SH2D4A: variants seen among roughly 807,000 people sequenced by gnomAD.
The protein encoded by SH2D4A is SH2 domain containing 4A, also known as SH2 domain-containing protein 4A.
In SH2D4A, 70 loss-of-function variants were observed where a neutral mutation model predicts 64.7. That is an observed-to-expected ratio of 1.08 (90% CI 0.89 to 1.32). The LOEUF is 1.32. Ranked by LOEUF, SH2D4A falls within the 40% of genes most tolerant of loss-of-function variation. SH2D4A has a pLI of 0.00. For synonymous variants in SH2D4A, 268 were observed against 200.7 expected, an observed-to-expected ratio of 1.34 and a Z score of -2.83; for missense variants, 706 against 540.1, an observed-to-expected ratio of 1.31 and a Z score of -3.04.
intron 8 of SH2D4A, among the ~76,000 whole-genome samples, chr8:19,382,584 G>A (rs2053312454): frequency 6.6e-6 from 1 of 152,016 alleles, no homozygotes; most frequent in Admixed American, 6.6e-5. Context: ...GGTAGGCTAG[G>A]CAAATTATGA....
intron 6 of SH2D4A, among the ~76,000 whole-genome samples, chr8:19,362,750 CAA>C (rs2052912768): frequency 6.6e-6 from 1 of 151,712 alleles, no homozygotes; most frequent in Non-Finnish European, 1.5e-5. Context: ...AAAAACAAAA[CAA>C]AACAAAACAA....
intron 7 of SH2D4A, among the ~76,000 whole-genome samples, chr8:19,367,609 T>A (rs1563204400): frequency 6.6e-6 from 1 of 152,178 alleles, no homozygotes; most frequent in Non-Finnish European, 1.5e-5. Context: ...GAGTTTGAGT[T>A]CCTATATTGA....
intron 8 of SH2D4A, among the ~76,000 whole-genome samples, chr8:19,374,741 A>G (rs1384175181): frequency 1.3e-5 from 2 of 152,136 alleles, no homozygotes; most frequent in Non-Finnish European, 2.9e-5. Context: ...TCTCCTTCCC[A>G]GGATGAGGTT....
At chr8:19,323,140 T>G (rs927148997) in intron 2 of SH2D4A, among the ~76,000 whole-genome samples, 1 of 151,986 alleles carries the variant, frequency 6.6e-6, no homozygotes, top group Non-Finnish European at 1.5e-5. Context: ...CTGGGGTAGC[T>G]AGAGGTCTAC....
At chr8:19,343,085 G>A (rs1301008660) in intron 4 of SH2D4A, among the ~76,000 whole-genome samples, 1 of 152,114 alleles carries the variant, frequency 6.6e-6, no homozygotes, top group Non-Finnish European at 1.5e-5. Context: ...TGCTAGCTGT[G>A]CAAATCTCAT....
chr8:19,364,585 G>GC (rs892139400), intron 7 of SH2D4A, among the ~76,000 whole-genome samples: 1 of 132,348 alleles, frequency 7.6e-6, no homozygotes, highest in East Asian at 2.5e-4. Context: ...TCCCTCCCCC[G>GC]CCCCCCTCCC....
chr8:19,313,806 CA>C lies in SH2D4A; in HGVS notation c.-221del, dbSNP rs565027575. 58 of 1,507,736 alleles carry C rather than the reference CA, an allele frequency of 3.8e-5. 1 individual carries two copies. In the Middle Eastern group the frequency reaches 1.5e-3, roughly 40 times the overall value. 93.4% of individuals were successfully genotyped at this position (1,507,736 alleles called of 1,614,324 possible). On this transcript the variant is annotated 5_prime_UTR_variant, in exon 1 of 10. It introduces an in-frame stop codon into an upstream open reading frame of the 5' UTR. Coordinates refer to ENST00000265807, the MANE Select transcript of SH2D4A (RefSeq NM_022071.4). ...TGGCGGGTGATCGAGCCACCCTGCC[CA>C]GGGGCGCCCAGCACTGGTAGGTGCT...
intron 8 of SH2D4A, among the ~76,000 whole-genome samples, chr8:19,389,428 CAT>C (rs2053448120): frequency 6.6e-6 from 1 of 152,192 alleles, no homozygotes; most frequent in African/African-American, 2.4e-5. Context: ...TTCAGTAGCA[CAT>C]GTGGCAATAT....
chr8:19,325,997 G>A (rs1324044463), intron 2 of SH2D4A, among the ~76,000 whole-genome samples: 1 of 152,156 alleles, frequency 6.6e-6, no homozygotes, highest in African/African-American at 2.4e-5. Flanking sequence ...CTTGCCCAGT[G>A]GGGTCCTGTG....
At chr8:19,327,299 G>T (rs1360276133) in intron 2 of SH2D4A, among the ~76,000 whole-genome samples, 2 of 152,160 alleles carry the variant, frequency 1.3e-5, no homozygotes, top group African/African-American at 4.8e-5. Context: ...GCTATAAAAA[G>T]CTCCCTCCTT....
At chr8:19,345,493 T>C (rs2052598893) in intron 4 of SH2D4A, among the ~76,000 whole-genome samples, 1 of 152,238 alleles carries the variant, frequency 6.6e-6, no homozygotes, top group Non-Finnish European at 1.5e-5. Flanking sequence ...AGGAGTGTGA[T>C]AGGCAAACAC....
chr8:19,343,777 G>T (rs1345989387), intron 4 of SH2D4A, among the ~76,000 whole-genome samples: 2 of 152,128 alleles, frequency 1.3e-5, no homozygotes, highest in East Asian at 3.9e-4. Flanking sequence ...ATAAGATGAG[G>T]TTTTCATCTT....
chr8:19,353,320 C>T (rs1297897702), intron 4 of SH2D4A, among the ~76,000 whole-genome samples: 1 of 151,292 alleles, frequency 6.6e-6, no homozygotes, highest in Non-Finnish European at 1.5e-5. Context: ...GGTATACCCT[C>T]TGATATTGCC....
chr8:19,377,902 C>G (rs1047101093), intron 8 of SH2D4A, among the ~76,000 whole-genome samples: 1 of 152,134 alleles, frequency 6.6e-6, no homozygotes, highest in Non-Finnish European at 1.5e-5. Flanking sequence ...GCCCACGAAA[C>G]TGATTATACC....
rs557752727 is a variant in SH2D4A, at chr8:19,331,109, T to C, written c.182-1846T>C. 5.6e-4 allele frequency among the ~76,000 whole-genome samples: 85 copies of C among 152,182 alleles called. 1 individual carries two copies. The highest frequency in any genetic ancestry group is 9.8e-4 in the Non-Finnish European group (67 of 68,036). ...CTGCCCAGCGTCTCTGTTTAGAACA[T>C]ACTGCAGGAGTGTCCACTGTACCAA... is the stretch of plus-strand genomic sequence containing the variant. On this transcript the variant is annotated intron_variant, in intron 2 of 9. Coordinates refer to ENST00000265807, the MANE Select transcript of SH2D4A (RefSeq NM_022071.4).
chr8:19,381,340 G>A (rs1043392287), intron 8 of SH2D4A, among the ~76,000 whole-genome samples: 2 of 152,174 alleles, frequency 1.3e-5, no homozygotes, highest in Admixed American at 6.5e-5. Context: ...ATGAGCCACT[G>A]TGTCCAGTCA....
Position 19,373,575 on chromosome 8 carries a change from C to T in SH2D4A, c.963C>T (p.Asp321=). ...VRTLSSSAQE[D]IIRWFKEEQL... is the part of the protein sequence containing the mutation. ...CACTGTCCAGCTCTGCCCAAGAGGA[C>T]ATCATCCGGTGGTTTAAAGAGGAGC... is the stretch of plus-strand genomic sequence containing the variant. The change falls in exon 8 of 10, where the codon GAC becomes GAT. Residue 321 remains aspartate, a synonymous_variant. Coordinates refer to ENST00000265807, the MANE Select transcript of SH2D4A (RefSeq NM_022071.4). The T allele has an allele frequency of 6.2e-7, 1 of 1,613,208 alleles. No homozygotes were observed. Among genetic ancestry groups the T allele is most frequent in the Non-Finnish European group, 8.5e-7 (1 of 1,179,610 alleles).
chr8:19,319,582 A>C lies in SH2D4A; in HGVS notation c.35A>C (p.Asp12Ala). The change falls in exon 2 of 10, where the codon GAT (aspartate) becomes GCT (alanine). Residue 12 changes from aspartate to alanine, a missense_variant. Coordinates refer to ENST00000265807, the MANE Select transcript of SH2D4A (RefSeq NM_022071.4). ...CAGATACTGTCGGAGATGTACATAG[A>C]TCCTGATCTACTGGCAGAGCTCAGC... ...LKQILSEMYI[D>A]PDLLAELSEE... 1.2e-5 allele frequency: 19 copies of C among 1,601,386 alleles called. No individual in the cohort carries two copies. The highest frequency in any genetic ancestry group is 1.6e-5 in the Non-Finnish European group (19 of 1,175,354).
intron 4 of SH2D4A, among the ~76,000 whole-genome samples, chr8:19,352,796 C>T (rs528291615): frequency 2.2e-4 from 33 of 152,168 alleles, no homozygotes; most frequent in African/African-American, 7.9e-4. Context: ...CACTTGAGCT[C>T]AGGAGTTTGA....
Sources: allele counts gnomAD v4.1 joint callset (sites outside exome capture counted in the v4.1 genomes callset), GRCh38; gene constraint gnomAD v4.1.1; transcripts MANE v1.5; gene names NCBI Gene and HGNC (gene_info 2026-07-23, HGNC 2026-07-21).